Variants in DEPDC5 observed in about 807,000 individuals in gnomAD.
DEPDC5 encodes GATOR1 complex protein DEPDC5.
Under a neutral mutation model 217.3 loss-of-function variants are expected in DEPDC5, and 73 were observed. That is an observed-to-expected ratio of 0.34 (90% CI 0.28 to 0.41). DEPDC5 has a LOEUF of 0.41. DEPDC5 is among the 10% of genes least tolerant of loss of function. The pLI is 1.00. For synonymous variants in DEPDC5, 733 were observed against 756.7 expected (o/e 0.97, Z 0.51); for missense variants, 1,675 against 2,070.1 (o/e 0.81, Z 3.70).
At chr22:31,765,125 C>A in intron 5 of DEPDC5, 65 bp downstream of exon 5, 1 of 1,295,430 alleles carries the variant, frequency 7.7e-7, no homozygotes, top group Non-Finnish European at 1.1e-6. Context: ...GGTTAGATTA[C>A]TAAGGAAACA....
At chr22:31,766,409 C>T (rs960415361) in intron 5 of DEPDC5, among the ~76,000 whole-genome samples, 176 bp from the exon 6 acceptor site, 3 of 152,196 alleles carry the variant, frequency 2.0e-5, no homozygotes, top group Non-Finnish European at 4.4e-5. Context: ...ACCAACTATA[C>T]TGAAAAGTGT....
intron 34 of DEPDC5, 101 bp downstream of exon 34, chr22:31,870,845 ACT>A (rs1389488987): frequency 3.8e-6 from 5 of 1,325,006 alleles, no homozygotes; most frequent in South Asian, 2.0e-5. Flanking sequence ...CCGAGTTCTG[ACT>A]CTGCCACAAG....
chr22:31,876,623 T>C (rs2092998583), intron 37 of DEPDC5, among the ~76,000 whole-genome samples: 1 of 152,288 alleles, frequency 6.6e-6, no homozygotes, highest in East Asian at 1.9e-4. Context: ...TATCATGGGC[T>C]CCAGTCTGTG....
chr22:31,771,078 G>A lies in DEPDC5; in HGVS notation c.413+2215G>A, dbSNP rs5753782. 7.2e-5 allele frequency among the ~76,000 whole-genome samples: 11 copies of A among 152,162 alleles called. No homozygotes were observed. In the East Asian group the frequency reaches 1.4e-3, roughly 19 times the overall value. On this transcript the variant is annotated intron_variant, in intron 7 of 42. Transcript: ENST00000651528. ...GATTATAGGCGTTGAGCCACCGCAC[G>A]CGGCCCCCATCAACTTTTCACCTAA...
chr22:31,808,217 T>TC (rs1014851489), intron 18 of DEPDC5, among the ~76,000 whole-genome samples: 7 of 151,370 alleles, frequency 4.6e-5, no homozygotes, highest in African/African-American at 1.7e-4. Context: ...TGCCCCAGCC[T>TC]CCCCAATAGC....
At chr22:31,864,528 A>ATT (rs2092627904) in intron 33 of DEPDC5, among the ~76,000 whole-genome samples, 1 of 132,824 alleles carries the variant, frequency 7.5e-6, no homozygotes, top group Non-Finnish European at 1.7e-5. Context: ...ATATATATTT[A>ATT]TATATTTATT....
rs199783404 is a variant in DEPDC5 at position 31,822,761 on chromosome 22, C to T, written c.2075C>T (p.Ser692Phe). ...FLNFSGTEEL[S>F]VGLLSNSGAG... The stretch of plus-strand genomic sequence containing the variant: ...AACTTCAGTGGAACAGAGGAGCTTT[C>T]TGTCGGCCTGCTTAGCAACAGTGGT... The change falls in exon 24 of 43, where the codon TCT becomes TTT. Residue 692 changes from serine (S) to phenylalanine (F), a missense_variant. Transcript: ENST00000651528. The T allele has an allele frequency of 4.1e-4, 663 of 1,614,088 alleles. 2 individuals are homozygous for T. The African/African-American group carries it at 7.5e-3, about 18-fold the overall frequency.
intron 31 of DEPDC5, 102 bp downstream of exon 31, chr22:31,847,069 G>A (rs1441671068): frequency 6.6e-7 from 1 of 1,522,616 alleles, no homozygotes; most frequent in Admixed American, 1.9e-5. Flanking sequence ...TTTACAAGGA[G>A]CTTGTAATTA....
At chr22:31,778,048 T>C in intron 7 of DEPDC5, 51 bp from the exon 8 acceptor site, 1 of 1,589,220 alleles carries the variant, frequency 6.3e-7, no homozygotes, top group Non-Finnish European at 8.6e-7. Flanking sequence ...GCACCAGGCA[T>C]GTATTGGTTT....
chr22:31,840,534 G>C (rs1399515481), intron 27 of DEPDC5, among the ~76,000 whole-genome samples: 1 of 152,200 alleles, frequency 6.6e-6, no homozygotes, highest in Non-Finnish European at 1.5e-5. Context: ...CTGCCCACCT[G>C]TTGTTCTCTG....
At chr22:31,810,308 G>C (rs111527591) in intron 19 of DEPDC5, among the ~76,000 whole-genome samples, 1 of 152,014 alleles carries the variant, frequency 6.6e-6, no homozygotes, top group African/African-American at 2.4e-5. Flanking sequence ...TGACATATAC[G>C]TCATTTAGTC....
In DEPDC5 at chr22:31,906,756, G is replaced by C; in HGVS notation, c.*259G>C. On this transcript the variant is annotated 3_prime_UTR_variant, in exon 43 of 43. Coordinates refer to ENST00000651528, the MANE Select transcript of DEPDC5 (RefSeq NM_001242896.3). The surrounding 1 kb of genome is among the most constrained non-coding windows in gnomAD (Gnocchi z 5.1). ...GTCAGCAAGTGCTCAGAGCAGGTGG[G>C]AGGCACAGATTGTCCGTGGGAGGGC... The C allele has an allele frequency of 1.8e-6, 1 of 560,486 alleles. No homozygotes were observed. Among genetic ancestry groups the C allele is most frequent in the South Asian group, 2.3e-5 (1 of 44,112 alleles). The allele number at this position is 560,486 out of a possible 1,614,324, so 34.7% of individuals were successfully genotyped here.
At chr22:31,862,287 A>G (rs2092543701) in intron 33 of DEPDC5, among the ~76,000 whole-genome samples, 1 of 149,660 alleles carries the variant, frequency 6.7e-6, no homozygotes, top group Non-Finnish European at 1.5e-5. Flanking sequence ...GGACGAGGCC[A>G]GGCACAGTGG....
At chr22:31,783,071 T>C (rs769498950) in intron 8 of DEPDC5, among the ~76,000 whole-genome samples, 6 of 152,128 alleles carry the variant, frequency 3.9e-5, no homozygotes, top group Non-Finnish European at 8.8e-5. Context: ...TAGAGGATTG[T>C]AAATGCACCA....
intron 24 of DEPDC5, among the ~76,000 whole-genome samples, chr22:31,827,167 T>G (rs1487704412): frequency 6.6e-6 from 1 of 152,068 alleles, no homozygotes; most frequent in East Asian, 1.9e-4. Flanking sequence ...TCTTTTCCCT[T>G]TCCCAGTCCC....
chr22:31,897,424 T>G (rs1485389093), intron 39 of DEPDC5, 58 bp from the exon 40 acceptor site: 4 of 1,552,864 alleles, frequency 2.6e-6, no homozygotes, highest in Non-Finnish European at 3.5e-6. Context: ...TGGGAAGTAT[T>G]TTCTCTTGTT....
At chr22:31,892,972 T>G (rs564204719) in intron 38 of DEPDC5, among the ~76,000 whole-genome samples, 27 of 150,918 alleles carry the variant, frequency 1.8e-4, no homozygotes, top group Non-Finnish European at 3.5e-4. Flanking sequence ...GCCTCCCAGG[T>G]TCGAGCGATT....
At position 31,861,429 on chromosome 22, in the gene DEPDC5, C is replaced by A. The variant is rs762449508; in HGVS notation, c.3326C>A (p.Pro1109His). Residue 1109 changes from proline to histidine, a missense_variant, in exon 33 of 43, where the codon CCT becomes CAT. Pro to His is a moderately conservative substitution (Grantham distance 77, BLOSUM62 -2). Transcript: ENST00000651528. ...CGCACAGCATCGTCCGCCTTCTACC[C>A]TCAGGTTAGTCCAACTCCAGGGCTT... Reference protein sequence around the residue: ...SPRTASSAFYPQVSVDQTATP... With the variant: ...SPRTASSAFYHQVSVDQTATP... The A allele has an allele frequency of 6.4e-7, 1 of 1,551,536 alleles. No individual in the cohort carries two copies. Among genetic ancestry groups the A allele is most frequent in the South Asian group, 1.2e-5 (1 of 84,054 alleles).
chr22:31,857,357 C>T, intron 31 of DEPDC5, 88 bp from the exon 32 acceptor site: 1 of 1,094,502 alleles, frequency 9.1e-7, no homozygotes, highest in Non-Finnish European at 1.3e-6. Flanking sequence ...AAGATGACAG[C>T]AACAGAGCTG....
Sources: gnomAD v4.1 joint callset for allele counts (sites outside exome capture counted in the v4.1 genomes callset) on GRCh38, gnomAD v4.1.1 for gene constraint, Gnocchi (gnomAD v3.1) non-coding constraint, MANE v1.5 for transcripts, NCBI Gene and HGNC (gene_info 2026-07-23, HGNC 2026-07-21) for gene names.